KIAA2012: variants seen among roughly 807,000 people sequenced by gnomAD.
KIAA2012 encodes the protein KIAA2012.
Under a neutral mutation model 150.6 loss-of-function variants are expected in KIAA2012, and 125 were observed. That is an observed-to-expected ratio of 0.83 (90% confidence interval 0.72 to 0.96). The LOEUF (loss-of-function observed/expected upper bound fraction) is 0.96. Among genes scored for constraint, KIAA2012 ranks in the 40% least tolerant of loss-of-function variants. The probability of loss-of-function intolerance (pLI) is 0.00; values close to 1 mark genes in which losing one functional copy is unlikely to be tolerated. For missense variants in KIAA2012, 1,219 were observed against 1,354.9 expected, an observed-to-expected ratio of 0.90 and a Z score of 1.57; for synonymous variants, 462 against 504.7, an observed-to-expected ratio of 0.92 and a Z score of 1.13.
intron 14 of KIAA2012, among the ~76,000 whole-genome samples, chr2:202,160,021 A>G (rs6725888): frequency 0.42 from 63,743 of 151,984 alleles, 14,360 homozygotes; most frequent in East Asian, 0.58. Flanking sequence ...TGAGCCTTGT[A>G]TAATCTTCCT....
At chr2:202,133,109 A>AAAAT (rs766606713) in intron 12 of KIAA2012, among the ~76,000 whole-genome samples, 6,721 of 87,542 alleles carry the variant, frequency 0.077, 664 homozygotes, top group East Asian at 0.23. Context: ...TCTAAAAAAA[A>AAAAT]ATATATATAT....
chr2:202,159,977 C>T (rs920773780), intron 14 of KIAA2012, among the ~76,000 whole-genome samples: 19 of 152,332 alleles, frequency 1.2e-4, no homozygotes, highest in African/African-American at 4.6e-4. Flanking sequence ...GGAACATTCA[C>T]TGATCCCTGC....
At chr2:202,098,971 G>A (rs992606801) in intron 5 of KIAA2012, among the ~76,000 whole-genome samples, 1 of 151,272 alleles carries the variant, frequency 6.6e-6, no homozygotes, top group African/African-American at 2.4e-5. Context: ...AAGGGCAGAG[G>A]GGAGAAACAT....
At chr2:202,084,173 T>A (rs1398426710) in intron 2 of KIAA2012, among the ~76,000 whole-genome samples, 1 of 152,170 alleles carries the variant, frequency 6.6e-6, no homozygotes, top group Non-Finnish European at 1.5e-5. Context: ...TGCTGAGTCC[T>A]GCACACAAAC....
At chr2:202,090,970 C>T (rs1438928309) in intron 3 of KIAA2012, 41 bp downstream of exon 3, 1 of 1,511,428 alleles carries the variant, frequency 6.6e-7, no homozygotes, top group African/African-American at 1.4e-5. Context: ...CCAAACTGCC[C>T]CACCTCCCAT....
intron 13 of KIAA2012, among the ~76,000 whole-genome samples, chr2:202,143,863 G>C (rs1691248138): frequency 6.6e-6 from 1 of 152,036 alleles, no homozygotes. Flanking sequence ...GACTTTGGGG[G>C]ACAATGAATT....
rs1235746559 is a variant in KIAA2012 at position 202,196,970 on chromosome 2, G to A, written c.3358G>A (p.Ala1120Thr). ...EERRQKEEEA[A>T]RLALEEATKQ... ...GAGGAGGCAAAAAGAAGAGGAAGCA[G>A]CAAGACTGGCTCTGGAAGAAGCCAC... The change falls in exon 22 of 24, where the codon GCA becomes ACA. Residue 1120 changes from alanine (A) to threonine (T), a missense_variant. By Grantham distance (58) the Ala-to-Thr change is moderately conservative. Coordinates refer to ENST00000498697, the MANE Select transcript of KIAA2012 (RefSeq NM_001277372.4). 2 of 1,550,646 alleles carry A rather than the reference G, an allele frequency of 1.3e-6. No individual in the cohort carries two copies. Among genetic ancestry groups the A allele is most frequent in the Non-Finnish European group, 1.7e-6 (2 of 1,146,982 alleles).
At chr2:202,169,587 A>T (rs1691843020) in intron 15 of KIAA2012, among the ~76,000 whole-genome samples, 1 of 152,200 alleles carries the variant, frequency 6.6e-6, no homozygotes, top group African/African-American at 2.4e-5. Context: ...ATTCGTGGCT[A>T]GTGTACCAAG....
chr2:202,161,641 C>A (rs1398757169), intron 14 of KIAA2012, among the ~76,000 whole-genome samples: 2 of 151,974 alleles, frequency 1.3e-5, no homozygotes, highest in Non-Finnish European at 2.9e-5. Flanking sequence ...ACAACCTTCC[C>A]AGCCTAATTT....
intron 4 of KIAA2012, among the ~76,000 whole-genome samples, chr2:202,096,054 A>T (rs577051506): frequency 1.3e-5 from 2 of 152,286 alleles, no homozygotes. Flanking sequence ...ACTGCACTCC[A>T]GCCTGGGCAA....
chr2:202,150,213 T>G (rs1691394067), intron 13 of KIAA2012, among the ~76,000 whole-genome samples: 1 of 152,248 alleles, frequency 6.6e-6, no homozygotes, highest in Non-Finnish European at 1.5e-5. Flanking sequence ...ACGCAATGCC[T>G]TCTGTGCAAT....
Position 202,090,897 on chromosome 2 carries a change from C to T in KIAA2012, c.497C>T (p.Pro166Leu). Residue 166 changes from proline to leucine, a missense_variant, in exon 3 of 24, where the codon CCC (proline) becomes CTC (leucine). By Grantham distance (98) the Pro-to-Leu change is moderately conservative. Transcript: ENST00000498697. ...CTCCGAGGCCTCCTGCGGACTTGGC[C>T]CCCAGACGCCATGTATAGGCTCTGG... The part of the protein sequence containing the change: ...RYLRGLLRTW[P>L]PDAMYRLWCA... The T allele has an allele frequency of 1.3e-6, 2 of 1,550,330 alleles. No individual in the cohort carries two copies. The highest frequency in any genetic ancestry group is 1.2e-5 in the South Asian group (1 of 84,034).
In KIAA2012 at chr2:202,090,884, C is replaced by T; in HGVS notation, c.484C>T (p.Leu162=). Residue 162 remains leucine, a synonymous_variant, in exon 3 of 24, where the codon CTG becomes TTG. Transcript: ENST00000498697. ...AGCCAAGAGATACCTCCGAGGCCTC[C>T]TGCGGACTTGGCCCCCAGACGCCAT... ...HSAKRYLRGL[L]RTWPPDAMYR... 6.4e-7 allele frequency: 1 copy of T among 1,550,504 alleles called. No individual in the cohort carries two copies. Among genetic ancestry groups the T allele is most frequent in the Non-Finnish European group, 8.7e-7 (1 of 1,146,904 alleles).
intron 15 of KIAA2012, among the ~76,000 whole-genome samples, chr2:202,172,173 C>G (rs1691907449): frequency 6.6e-6 from 1 of 152,210 alleles, no homozygotes; most frequent in Non-Finnish European, 1.5e-5. Context: ...GCTTTATGTA[C>G]TTTGAGCTTA....
chr2:202,164,606 C>T (rs1574301041), intron 14 of KIAA2012, among the ~76,000 whole-genome samples: 1 of 152,176 alleles, frequency 6.6e-6, no homozygotes, highest in East Asian at 1.9e-4. Flanking sequence ...TGCTTTAAAT[C>T]CTGAATGCTT....
At chr2:202,100,108 A>G (rs569257982) in intron 6 of KIAA2012, among the ~76,000 whole-genome samples, 199 bp from the exon 7 acceptor site, 1 of 152,326 alleles carries the variant, frequency 6.6e-6, no homozygotes, top group East Asian at 1.9e-4. Context: ...TAATTACCCC[A>G]TAAGGCTATT....
In KIAA2012 at chr2:202,096,040, T is replaced by C. The variant is rs549634363; in HGVS notation, c.686-1395T>C. 1.9e-3 allele frequency among the ~76,000 whole-genome samples: 286 copies of C among 152,078 alleles called. 1 individual carries two copies. The highest frequency in any genetic ancestry group is 4.1e-3 in the African/African-American group (170 of 41,510). ...TGGAGGTTGCAGTGAGCCAAGATCATGCCACTGCACTCCAGCCTGGGCAAC... is the reference window on the plus strand; with the variant it reads ...TGGAGGTTGCAGTGAGCCAAGATCACGCCACTGCACTCCAGCCTGGGCAAC... On this transcript the variant is annotated intron_variant, in intron 4 of 23. Coordinates refer to ENST00000498697, the MANE Select transcript of KIAA2012 (RefSeq NM_001277372.4).
intron 14 of KIAA2012, among the ~76,000 whole-genome samples, chr2:202,156,878 C>G (rs1482636244): frequency 6.6e-6 from 1 of 152,138 alleles, no homozygotes; most frequent in East Asian, 1.9e-4. Context: ...GAGTGAGACT[C>G]TGTCTCAAAA....
At chr2:202,145,846 G>A (rs924873790) in intron 13 of KIAA2012, among the ~76,000 whole-genome samples, 2 of 151,758 alleles carry the variant, frequency 1.3e-5, no homozygotes, top group Admixed American at 6.6e-5. Flanking sequence ...CACCACACCC[G>A]GCTAATTTTT....
Sources: allele counts gnomAD v4.1 joint callset (sites outside exome capture counted in the v4.1 genomes callset), GRCh38; gene constraint gnomAD v4.1.1; transcripts MANE v1.5; gene names NCBI Gene and HGNC (gene_info 2026-07-23, HGNC 2026-07-21).